NR2C1: variants seen among roughly 807,000 people sequenced by gnomAD.
NR2C1 encodes TR2 nuclear hormone receptor.
A neutral mutation model predicts 74.8 loss-of-function variants in NR2C1; 33 were observed. That is an observed-to-expected ratio of 0.44 (90% confidence interval 0.33 to 0.59). The LOEUF (loss-of-function observed/expected upper bound fraction) is 0.59. Among genes scored for constraint, NR2C1 ranks in the 20% least tolerant of loss-of-function variants. The probability of loss-of-function intolerance (pLI) is 0.02; values close to 1 mark genes in which losing one functional copy is unlikely to be tolerated. For synonymous variants in NR2C1, 225 were observed against 240.6 expected (o/e 0.94, Z 0.60); for missense variants, 568 against 715.6 (o/e 0.79, Z 2.35).
chr12:95,022,274 C>T lies in NR2C1; in HGVS notation c.1767G>A (p.Met589Ile). Reference sequence around the variant, plus strand: ...TTTGAGAGTTATAATCTGCAGGCTCCATTTTCAAAATATGTGGGATAACAC... The same window carrying T: ...TTTGAGAGTTATAATCTGCAGGCTCTATTTTCAAAATATGTGGGATAACAC... ...IDSVIPHILK[M>I]EPADYNSQII... The change falls in exon 14 of 14, where the codon ATG (methionine) becomes ATA (isoleucine). Residue 589 changes from methionine to isoleucine, a missense_variant. Met to Ile is a conservative substitution (Grantham distance 10). Coordinates refer to ENST00000333003, the MANE Select transcript of NR2C1 (RefSeq NM_003297.4). 1 of 1,612,272 alleles carries T rather than the reference C, an allele frequency of 6.2e-7. No homozygotes were observed. Among genetic ancestry groups the T allele is most frequent in the Non-Finnish European group, 8.5e-7 (1 of 1,179,616 alleles).
rs1158168234 is a variant in NR2C1 at position 95,022,067 on chromosome 12, G to C, written c.*162C>G. The C allele has an allele frequency of 5.9e-6, 3 of 509,286 alleles. No homozygotes were observed. Among genetic ancestry groups the C allele is most frequent in the Non-Finnish European group, 6.7e-6 (2 of 299,506 alleles). 31.5% of individuals were successfully genotyped at this position (509,286 alleles called of 1,614,324 possible). A position where few individuals can be genotyped will look rare whatever the true frequency, so the allele number is the denominator to read the frequency against. ...TCATTTAATTTCTGCTGCCTGCCCA[G>C]TCACTTCAAAAATTCTTAAGGGAAG... On this transcript the variant is annotated 3_prime_UTR_variant, in exon 14 of 14. Transcript: ENST00000333003.
chr12:95,068,316 C>G (rs1264363555), intron 1 of NR2C1, among the ~76,000 whole-genome samples: 3 of 152,156 alleles, frequency 2.0e-5, no homozygotes, highest in Non-Finnish European at 4.4e-5. Context: ...TCTTTTAAGG[C>G]CTTATCTCCA....
chr12:95,067,093 C>T (rs1183604674), intron 2 of NR2C1: 3 of 544,122 alleles, frequency 5.5e-6, no homozygotes, highest in African/African-American at 3.9e-5. Flanking sequence ...CCTTCCTTCC[C>T]TTCATTCCTT....
chr12:95,056,495 T>G (rs773199056), intron 7 of NR2C1, among the ~76,000 whole-genome samples: 1 of 152,248 alleles, frequency 6.6e-6, no homozygotes, highest in Admixed American at 6.5e-5. Flanking sequence ...CTTGGATACA[T>G]AAAAGGAGAG....
intron 10 of NR2C1, among the ~76,000 whole-genome samples, chr12:95,035,693 A>G (rs1459499173): frequency 2.0e-5 from 3 of 152,222 alleles, no homozygotes; most frequent in Non-Finnish European, 2.9e-5. Context: ...AAAGGTATCT[A>G]TTTACATTTA....
At chr12:95,036,125 A>G (rs1870787985) in intron 10 of NR2C1, among the ~76,000 whole-genome samples, 1 of 152,248 alleles carries the variant, frequency 6.6e-6, no homozygotes, top group African/African-American at 2.4e-5. Flanking sequence ...TGGTAAGGGC[A>G]TGTTTGCTAC....
chr12:95,059,386 C>T (rs936678701), intron 4 of NR2C1, among the ~76,000 whole-genome samples: 23 of 151,636 alleles, frequency 1.5e-4, no homozygotes, highest in Non-Finnish European at 2.8e-4. Flanking sequence ...TATTAAATTG[C>T]ACTGAAGTTA....
At position 95,022,320 on chromosome 12, in the gene NR2C1, A is replaced by G. The variant is rs753005880; in HGVS notation, c.1721T>C (p.Ile574Thr). The change falls in exon 14 of 14, where the codon ATT (isoleucine) becomes ACT (threonine). Residue 574 changes from isoleucine (I) to threonine (T), a missense_variant. Physicochemically the swap from Ile to Thr is moderately conservative, Grantham distance 89 (BLOSUM62 -1). Around this residue, in one of 6 missense-constraint regions of NR2C1, gnomAD observed 117 missense variants for 186.7 expected, o/e 0.63. Transcript: ENST00000333003. Reference sequence around the variant, plus strand: ...AACACTGTCAATTCGTATATTGCCAATGAGACCTTTGAAAAACAATTCTTC... The same window carrying G: ...AACACTGTCAATTCGTATATTGCCAGTGAGACCTTTGAAAAACAATTCTTC... ...ITEELFFKGLIGNIRIDSVIP... is the reference protein window; with the variant it reads ...ITEELFFKGLTGNIRIDSVIP... 14 of 1,613,432 alleles carry G rather than the reference A, an allele frequency of 8.7e-6. No homozygotes were observed. The highest frequency in any genetic ancestry group is 1.3e-5 in the African/African-American group (1 of 74,926).
intron 9 of NR2C1, among the ~76,000 whole-genome samples, chr12:95,047,853 G>A (rs1277080989): frequency 6.6e-6 from 1 of 152,118 alleles, no homozygotes; most frequent in African/African-American, 2.4e-5. Context: ...AGTAGAAAGT[G>A]ATTTTCTAGT....
At chr12:95,072,692 G>A (rs978161346) in intron 1 of NR2C1, 2 of 152,180 alleles carry the variant, frequency 1.3e-5, no homozygotes, top group East Asian at 3.9e-4. Context: ...AATGGTATCT[G>A]CCCGAGTTGG....
intron 9 of NR2C1, among the ~76,000 whole-genome samples, chr12:95,043,242 C>G (rs1318752071): frequency 6.6e-6 from 1 of 151,994 alleles, no homozygotes; most frequent in Non-Finnish European, 1.5e-5. Context: ...GCCTGGGTGA[C>G]AGAGCAAGAC....
chr12:95,053,790 TCTCCTGCCTCAGCCTC>T (rs1030942506), intron 7 of NR2C1, among the ~76,000 whole-genome samples: 4 of 150,188 alleles, frequency 2.7e-5, no homozygotes, highest in Non-Finnish European at 4.4e-5. Flanking sequence ...TTCACGCCAT[TCTCCTGCCTCAGCCTC>T]CTGAGGAGCT....
intron 2 of NR2C1, among the ~76,000 whole-genome samples, chr12:95,063,162 G>A (rs1875055828): frequency 6.6e-6 from 1 of 152,310 alleles, no homozygotes. Flanking sequence ...AGAAAAACAA[G>A]GCAAGGTGAG....
intron 1 of NR2C1, 115 bp from the exon 2 acceptor site, chr12:95,067,506 T>TG: frequency 1.2e-6 from 1 of 815,492 alleles, no homozygotes; most frequent in Non-Finnish European, 1.9e-6. Flanking sequence ...CTAGTTAAGG[T>TG]GGGAGGGTTG....
chr12:95,025,658 T>TAAAAA (rs11291964), intron 12 of NR2C1, among the ~76,000 whole-genome samples: 16 of 86,562 alleles, frequency 1.8e-4, no homozygotes, highest in African/African-American at 6.4e-4. Flanking sequence ...AACTCTGTCT[T>TAAAAA]AAAAAAAAAA....
At chr12:95,036,087 T>A (rs1213914986) in intron 10 of NR2C1, among the ~76,000 whole-genome samples, 2 of 152,184 alleles carry the variant, frequency 1.3e-5, no homozygotes, top group African/African-American at 4.8e-5. Context: ...CAGTAGAGAC[T>A]CCTCCATTTA....
rs1248299927 is a variant in NR2C1, at chr12:95,028,618, T to C, written c.1394-94A>G. ...TTTCCCTCTCAGGAATTTTGAAAAA[T>C]TTTTTAATTCTTAAATTTTTTTTGA... On this transcript the variant is annotated intron_variant, in intron 11 of 13. Transcript: ENST00000333003. The C allele has an allele frequency of 1.8e-5, 17 of 969,232 alleles. No homozygotes were observed. In the East Asian group the frequency reaches 4.0e-4, roughly 23 times the overall value. 60.0% of individuals were successfully genotyped at this position (969,232 alleles called of 1,614,324 possible). A position where few individuals can be genotyped will look rare whatever the true frequency, so the allele number is the denominator to read the frequency against.
Position 95,062,526 on chromosome 12 carries a change from C to A in NR2C1, c.267G>T (p.Leu89=). The change falls in exon 3 of 14, where the codon CTG becomes CTT. Residue 89 remains leucine (L), a synonymous_variant. Transcript: ENST00000333003. ...VNQLFFTTPD[L]SAQHLQLLTD... ...TATTTACCTGCAGGTGTTGTGCAGA[C>A]AGATCAGGAGTGGTAAAAAATAACT... The A allele has an allele frequency of 1.2e-6, 2 of 1,608,492 alleles. No individual in the cohort carries two copies. The highest frequency in any genetic ancestry group is 1.7e-6 in the Non-Finnish European group (2 of 1,176,728).
chr12:95,059,986 TAAAA>T lies in NR2C1; in HGVS notation c.286-6_286-3del, dbSNP rs79760875. 0.025 allele frequency: 26,206 copies of T among 1,051,610 alleles called. No homozygotes were observed. The highest frequency in any genetic ancestry group is 0.026 in the Non-Finnish European group (21,058 of 809,500). The allele number at this position is 1,051,610 out of a possible 1,614,324, so 65.1% of individuals were successfully genotyped here. On this transcript the variant is annotated splice_region_variant and splice_polypyrimidine_tract_variant and intron_variant, in intron 3 of 13. Transcript: ENST00000333003. The stretch of plus-strand genomic sequence containing the variant: ...GTCTGGAGAATTATCTGTTAGGAGC[TAAAA>T]AAAAAAAAAAAAAAAAAGAAAACAA...
Sources: allele counts gnomAD v4.1 joint callset (sites outside exome capture counted in the v4.1 genomes callset), GRCh38; gene constraint gnomAD v4.1.1; regional missense constraint gnomAD v4.1.1; transcripts MANE v1.5; gene names NCBI Gene and HGNC (gene_info 2026-07-23, HGNC 2026-07-21).